Variants in LRP1B observed in about 807,000 individuals in gnomAD.
LRP1B encodes low-density lipoprotein receptor-related protein 1B.
LRP1B carries 217 observed loss-of-function variants against 556.6 expected under a neutral mutation model. The ratio of observed to expected loss-of-function variants is 0.39; its 90% CI spans 0.35 to 0.44. The LOEUF (loss-of-function observed/expected upper bound fraction) is 0.44, where lower values mean the gene tolerates loss of function less well. Ranked by LOEUF, LRP1B falls within the 20% of genes least tolerant of loss-of-function variation. The probability of loss-of-function intolerance (pLI) is 1.00; values close to 1 mark genes in which losing one functional copy is unlikely to be tolerated. For synonymous variants in LRP1B, 2,047 were observed against 1,865.8 expected (o/e 1.10, Z -2.50); for missense variants, 5,053 against 5,620.8 (o/e 0.90, Z 3.23).
intron 1 of LRP1B, among the ~76,000 whole-genome samples, chr2:142,036,720 T>C (rs1356439417): frequency 1.3e-5 from 2 of 151,688 alleles, no homozygotes; most frequent in East Asian, 1.9e-4. Context: ...AATATAGAGC[T>C]TCTAAATCTT....
chr2:141,556,625 T>C (rs1685969372), intron 2 of LRP1B, among the ~76,000 whole-genome samples: 2 of 151,902 alleles, frequency 1.3e-5, no homozygotes, highest in Non-Finnish European at 2.9e-5. Context: ...GATCCTTATA[T>C]ATTTATTAAA....
rs1686595372 is a variant in LRP1B, at chr2:140,700,520, C to G, written c.6529G>C (p.Glu2177Gln). Reference sequence around the variant, plus strand: ...TGCCTCAGGCAAGTAACTCCATCTTCTGCCAAATATCCATGGGCACAAGCA... The same window carrying G: ...TGCCTCAGGCAAGTAACTCCATCTTGTGCCAAATATCCATGGGCACAAGCA... Reference protein sequence around the residue: ...TCACAHGYLAEDGVTCLRHEG... With the variant: ...TCACAHGYLAQDGVTCLRHEG... The change falls in exon 41 of 91, where the codon GAA becomes CAA. Residue 2177 changes from glutamate (E) to glutamine (Q), a missense_variant. Glu to Gln is a conservative substitution (Grantham distance 29, BLOSUM62 2). Transcript: ENST00000389484. The G allele has an allele frequency of 6.2e-7, 1 of 1,613,434 alleles. No individual in the cohort carries two copies. The highest frequency in any genetic ancestry group is 1.1e-5 in the South Asian group (1 of 91,080).
chr2:141,278,551 T>A (rs946093401), intron 3 of LRP1B, among the ~76,000 whole-genome samples: 9 of 152,146 alleles, frequency 5.9e-5, no homozygotes, highest in African/African-American at 2.2e-4. Context: ...TTCCTAAGGC[T>A]ATAATCCGAC....
intron 1 of LRP1B, among the ~76,000 whole-genome samples, chr2:142,128,248 G>C (rs1482012975): frequency 1.3e-5 from 2 of 152,132 alleles, no homozygotes; most frequent in Admixed American, 6.5e-5. Context: ...AAACACTTCT[G>C]ATATAGTTCA....
At position 141,510,195 on chromosome 2, in the gene LRP1B, GACACACACACACACACACACAC is replaced by G. The variant is rs59647485; in HGVS notation, c.206-29684_206-29663del. ...CCTAGGTTATGAGTTCGGCAATACA[GACACACACACACACACACACAC>G]ACACACACACACACACACCCCCCAC... On this transcript the variant is annotated intron_variant, in intron 2 of 90. Coordinates refer to ENST00000389484, the MANE Select transcript of LRP1B (RefSeq NM_018557.3). Among the ~76,000 whole-genome samples, 102 of 95,100 alleles carry G rather than the reference GACACACACACACACACACACAC, an allele frequency of 1.1e-3. No individual in the cohort carries two copies. In the East Asian group the frequency reaches 0.02, roughly 19 times the overall value. The allele number at this position is 95,100 out of a possible 152,430, so 62.4% of individuals were successfully genotyped here.
At chr2:140,441,507 T>C (rs1222450651) in intron 66 of LRP1B, among the ~76,000 whole-genome samples, 1 of 152,218 alleles carries the variant, frequency 6.6e-6, no homozygotes, top group Non-Finnish European at 1.5e-5. Context: ...AATAAGATAG[T>C]ATTAGGAAAA....
chr2:141,650,823 C>G (rs1283516861), intron 2 of LRP1B, among the ~76,000 whole-genome samples: 2 of 152,060 alleles, frequency 1.3e-5, no homozygotes, highest in African/African-American at 4.8e-5. Context: ...GCTGTTTTCC[C>G]ACTAATCCCG....
chr2:140,414,913 T>C (rs1374313596), intron 66 of LRP1B, among the ~76,000 whole-genome samples: 1 of 152,170 alleles, frequency 6.6e-6, no homozygotes, highest in Non-Finnish European at 1.5e-5. Flanking sequence ...AGAGAGCCTA[T>C]AAATGGATGT....
intron 66 of LRP1B, among the ~76,000 whole-genome samples, chr2:140,410,493 G>T (rs903963750): frequency 6.6e-6 from 1 of 151,832 alleles, no homozygotes; most frequent in African/African-American, 2.4e-5. Context: ...CTATAATAAT[G>T]CTGCATCTGC....
Position 140,358,022 on chromosome 2 carries a change from A to C in LRP1B, c.11352T>G (p.Leu3784=). The C allele has an allele frequency of 6.2e-7, 1 of 1,611,598 alleles. No homozygotes were observed. The highest frequency in any genetic ancestry group is 8.5e-7 in the Non-Finnish European group (1 of 1,178,362). Residue 3784 remains leucine (L), a synonymous_variant, in exon 74 of 91, where the codon CTT becomes CTG. Transcript: ENST00000389484. ...CIPMDLQCDR[L]DDCGDGSDEQ... ...CATCTGAACCATCTCCGCAGTCATCAAGTCGATCACACTGGAGATCCATAG... is the reference window on the plus strand; with the variant it reads ...CATCTGAACCATCTCCGCAGTCATCCAGTCGATCACACTGGAGATCCATAG...
intron 1 of LRP1B, among the ~76,000 whole-genome samples, chr2:141,856,656 T>C (rs1698062089): frequency 6.6e-6 from 1 of 152,106 alleles, no homozygotes; most frequent in South Asian, 2.1e-4. Flanking sequence ...CCCAGAGGTA[T>C]ACAAAACAAG....
chr2:141,712,374 T>C (rs1332830887), intron 2 of LRP1B, among the ~76,000 whole-genome samples: 1 of 148,538 alleles, frequency 6.7e-6, no homozygotes, highest in Non-Finnish European at 1.5e-5. Flanking sequence ...ACTGAGACCC[T>C]GTCTAAAAAA....
At chr2:141,264,506 A>T (rs2105356813) in intron 3 of LRP1B, among the ~76,000 whole-genome samples, 1 of 152,178 alleles carries the variant, frequency 6.6e-6, no homozygotes, top group South Asian at 2.1e-4. Context: ...TCCAGGCTGG[A>T]GTGCAATGGA....
chr2:141,974,616 T>C (rs1367326180), intron 1 of LRP1B, among the ~76,000 whole-genome samples: 1 of 152,042 alleles, frequency 6.6e-6, no homozygotes, highest in African/African-American at 2.4e-5. Context: ...ACACGCGTTA[T>C]GTGGAAAAAC....
rs59699046 is a variant in LRP1B, at chr2:141,212,249, A to ATTTTTTT, written c.850+16927_850+16933dup. Among the ~76,000 whole-genome samples, 77 of 62,262 alleles carry ATTTTTTT rather than the reference A, an allele frequency of 1.2e-3. 21 individuals are homozygous for ATTTTTTT. Among genetic ancestry groups the ATTTTTTT allele is most frequent in the East Asian group, 4.3e-3 (7 of 1,626 alleles). 40.8% of individuals were successfully genotyped at this position (62,262 alleles called of 152,430 possible). Reference sequence around the variant, plus strand: ...AAGATATATTGATCAAAAAGTCTAGATTTTTTTTTTTTTTTTTTTTTTTTT... The same window carrying ATTTTTTT: ...AAGATATATTGATCAAAAAGTCTAGATTTTTTTTTTTTTTTTTTTTTTTTTTTTTTTT... On this transcript the variant is annotated intron_variant, in intron 6 of 90. Transcript: ENST00000389484.
intron 1 of LRP1B, 25 bp downstream of exon 1, chr2:142,130,623 G>A (rs777072339): frequency 1.9e-6 from 3 of 1,589,390 alleles, no homozygotes; most frequent in Admixed American, 3.4e-5. Context: ...GTCAGGGGAG[G>A]GGAGCGGGGA....
chr2:141,476,895 G>A lies in LRP1B; in HGVS notation c.343+3501C>T, dbSNP rs147376327. On this transcript the variant is annotated intron_variant, in intron 3 of 90. Coordinates refer to ENST00000389484, the MANE Select transcript of LRP1B (RefSeq NM_018557.3). ...TTCAAGCACTTTGTGATGCTGAGGC[G>A]GGTGGATCACCTGAGGTTGGGAGTT... Among the ~76,000 whole-genome samples, 1,029 of 152,220 alleles carry A rather than the reference G, an allele frequency of 6.8e-3. 12 individuals are homozygous for A. Among genetic ancestry groups the A allele is most frequent in the African/African-American group, 0.024 (978 of 41,538 alleles).
intron 41 of LRP1B, among the ~76,000 whole-genome samples, chr2:140,686,594 T>C (rs772186614): frequency 2.0e-5 from 3 of 151,792 alleles, no homozygotes; most frequent in African/African-American, 7.3e-5. Context: ...GGGGTTCCAA[T>C]TTGAGGTGGG....
intron 11 of LRP1B, among the ~76,000 whole-genome samples, chr2:141,038,465 T>C (rs1574007704): frequency 6.6e-6 from 1 of 152,110 alleles, no homozygotes; most frequent in African/African-American, 2.4e-5. Flanking sequence ...GAGTACATTT[T>C]AAAGGTCAGT....
Sources: gnomAD v4.1 joint callset for allele counts (sites outside exome capture counted in the v4.1 genomes callset) on GRCh38, gnomAD v4.1.1 for gene constraint, MANE v1.5 for transcripts, NCBI Gene and HGNC (gene_info 2026-07-23, HGNC 2026-07-21) for gene names.